AFAP1L2: variants seen among roughly 807,000 people sequenced by gnomAD.
AFAP1L2 encodes actin filament associated protein 1 like 2.
A neutral mutation model predicts 99.3 loss-of-function variants in AFAP1L2; 46 were observed. That is an observed-to-expected ratio of 0.46 (90% CI 0.37 to 0.59). AFAP1L2 has a LOEUF of 0.59. Among genes scored for constraint, AFAP1L2 ranks in the 20% least tolerant of loss-of-function variants. AFAP1L2 has a pLI of 0.00. For synonymous variants in AFAP1L2, 397 were observed against 419.1 expected, an observed-to-expected ratio of 0.95 and a Z score of 0.64; for missense variants, 959 against 1,034.9, an observed-to-expected ratio of 0.93 and a Z score of 1.01.
intron 2 of AFAP1L2, among the ~76,000 whole-genome samples, chr10:114,338,796 A>G (rs530017004): frequency 6.6e-6 from 1 of 152,226 alleles, no homozygotes; most frequent in African/African-American, 2.4e-5. Context: ...GAAATGTTCT[A>G]TATCTTGTTT....
At chr10:114,399,454 G>A (rs558210592) in intron 1 of AFAP1L2, among the ~76,000 whole-genome samples, 21 of 152,272 alleles carry the variant, frequency 1.4e-4, no homozygotes, top group African/African-American at 4.1e-4. Flanking sequence ...ATTTGAAATT[G>A]CTTTGAGCAC....
At chr10:114,388,600 G>A (rs578252297) in intron 1 of AFAP1L2, among the ~76,000 whole-genome samples, 6 of 152,298 alleles carry the variant, frequency 3.9e-5, no homozygotes, top group South Asian at 2.1e-4. Flanking sequence ...CAGGGGCCTC[G>A]TCAGTACTGT....
intron 2 of AFAP1L2, 87 bp from the exon 3 acceptor site, chr10:114,333,382 T>G (rs906602360): frequency 1.3e-4 from 135 of 1,022,122 alleles, no homozygotes; most frequent in Middle Eastern, 2.1e-4. Flanking sequence ...CAGAGCTGTT[T>G]TCATCTGCCT....
At chr10:114,382,416 G>A (rs2055770118) in intron 1 of AFAP1L2, among the ~76,000 whole-genome samples, 1 of 152,238 alleles carries the variant, frequency 6.6e-6, no homozygotes, top group African/African-American at 2.4e-5. Context: ...TTGATCACAT[G>A]GACATAGAGA....
intron 1 of AFAP1L2, among the ~76,000 whole-genome samples, chr10:114,356,625 T>A (rs1378452206): frequency 6.6e-6 from 1 of 152,254 alleles, no homozygotes; most frequent in Non-Finnish European, 1.5e-5. Flanking sequence ...TCAGAGCATT[T>A]TTAAAAGTCA....
chr10:114,375,044 G>A (rs1015370418), intron 1 of AFAP1L2, among the ~76,000 whole-genome samples: 2 of 152,188 alleles, frequency 1.3e-5, no homozygotes, highest in Non-Finnish European at 2.9e-5. Context: ...ACAGGGGTCA[G>A]TGAACTATAT....
chr10:114,393,993 G>T (rs1267394181), intron 1 of AFAP1L2, among the ~76,000 whole-genome samples: 1 of 152,188 alleles, frequency 6.6e-6, no homozygotes, highest in African/African-American at 2.4e-5. Context: ...TGGGATGGCG[G>T]TGGGAGGAGC....
chr10:114,404,369 C>A, intron 1 of AFAP1L2, 71 bp downstream of exon 1: 2 of 1,481,468 alleles, frequency 1.4e-6, no homozygotes, highest in Non-Finnish European at 1.8e-6. Context: ...AAGACGAGTC[C>A]TAGCCCTGCC....
chr10:114,350,462 G>A (rs1032425047), intron 1 of AFAP1L2, among the ~76,000 whole-genome samples: 1 of 152,186 alleles, frequency 6.6e-6, no homozygotes, highest in African/African-American at 2.4e-5. Flanking sequence ...GCTAAGGTCG[G>A]TGCTTGGAGA....
At chr10:114,332,269 G>T (rs1427929443) in intron 3 of AFAP1L2, among the ~76,000 whole-genome samples, 7 of 152,336 alleles carry the variant, frequency 4.6e-5, no homozygotes, top group African/African-American at 1.7e-4. Flanking sequence ...TTACCCAGAA[G>T]GCAAGTGACC....
upstream of AFAP1L2, chr10:114,404,623 G>A (rs1314073922): frequency 1.4e-5 from 14 of 1,012,894 alleles, no homozygotes; most frequent in Non-Finnish European, 1.8e-5. Flanking sequence ...CCCCCGCCAG[G>A]GCTCGCCCCC....
At chr10:114,289,992 C>CA (rs35165936), downstream of AFAP1L2, 1,164 of 212,664 alleles carry the variant, frequency 5.5e-3, 2 homozygotes, top group Middle Eastern at 0.011. Flanking sequence ...GATTCTGCCT[C>CA]AAAAAAAAAA....
intron 1 of AFAP1L2, among the ~76,000 whole-genome samples, chr10:114,361,208 C>T (rs2052359515): frequency 6.6e-6 from 1 of 151,858 alleles, no homozygotes; most frequent in Admixed American, 6.6e-5. Flanking sequence ...CCTCCCACAA[C>T]ACGTGGGAAT....
intron 11 of AFAP1L2, among the ~76,000 whole-genome samples, chr10:114,302,745 T>C (rs1031894176): frequency 2.0e-5 from 3 of 152,228 alleles, no homozygotes; most frequent in Admixed American, 2.0e-4. Flanking sequence ...ATGAGATGTA[T>C]ATACATTGTG....
intron 4 of AFAP1L2, among the ~76,000 whole-genome samples, chr10:114,327,618 G>T (rs2046577310): frequency 6.6e-6 from 1 of 152,124 alleles, no homozygotes; most frequent in Admixed American, 6.5e-5. Context: ...GGGACTTGTG[G>T]CCACTCGGGA....
chr10:114,368,809 CACACACAG>C (rs2053667788), intron 1 of AFAP1L2, among the ~76,000 whole-genome samples: 1 of 132,386 alleles, frequency 7.6e-6, no homozygotes, highest in Non-Finnish European at 1.6e-5. Flanking sequence ...CACACACACA[CACACACAG>C]AGTAACTAAA....
chr10:114,326,185 T>G (rs1233558007), intron 4 of AFAP1L2: 1 of 505,358 alleles, frequency 2.0e-6, no homozygotes, highest in Non-Finnish European at 3.0e-6. Context: ...CTCCTAAGCT[T>G]CTGTTGAGAA....
At chr10:114,291,218 G>T (rs1425991854), downstream of AFAP1L2, 1 of 1,550,572 alleles carries the variant, frequency 6.4e-7, no homozygotes, top group Admixed American at 2.0e-5. Context: ...CCTTCCCCAG[G>T]ATTCTTGAGA....
At chr10:114,363,794 C>T (rs1319974545) in intron 1 of AFAP1L2, among the ~76,000 whole-genome samples, 3 of 152,202 alleles carry the variant, frequency 2.0e-5, no homozygotes, top group Admixed American at 1.3e-4. Flanking sequence ...TGTGTGATGG[C>T]CTGCTATGCC....
Sources: gnomAD v4.1 joint callset for allele counts (sites outside exome capture counted in the v4.1 genomes callset) on GRCh38, gnomAD v4.1.1 for gene constraint, MANE v1.5 for transcripts, NCBI Gene and HGNC (gene_info 2026-07-23, HGNC 2026-07-21) for gene names.